Variants in ZFPM2 observed in about 807,000 individuals in gnomAD.
ZFPM2 encodes zinc finger protein, FOG family member 2, also known as zinc finger protein ZFPM2.
A neutral mutation model predicts 98.6 loss-of-function variants in ZFPM2; 20 were observed. The observed-to-expected ratio is 0.20, with a 90% CI of 0.14 to 0.29. The LOEUF (loss-of-function observed/expected upper bound fraction) is 0.29. Ranked by LOEUF, ZFPM2 falls within the 10% of genes least tolerant of loss-of-function variation. The pLI is 1.00. For synonymous variants in ZFPM2, 518 were observed against 502.7 expected, an observed-to-expected ratio of 1.03 and a Z score of -0.41; for missense variants, 1,310 against 1,388.6, an observed-to-expected ratio of 0.94 and a Z score of 0.90.
intron 1 of ZFPM2, among the ~76,000 whole-genome samples, chr8:105,389,769 G>A (rs1811072628): frequency 6.6e-6 from 1 of 152,144 alleles, no homozygotes; most frequent in Non-Finnish European, 1.5e-5. Flanking sequence ...AAGGTAAGAC[G>A]TGATCATAGC....
At chr8:105,729,565 G>C (rs1256718714) in intron 5 of ZFPM2, among the ~76,000 whole-genome samples, 1 of 151,626 alleles carries the variant, frequency 6.6e-6, no homozygotes, top group Non-Finnish European at 1.5e-5. Flanking sequence ...ATAATTGTCT[G>C]TACTTTAACA....
chr8:105,642,774 G>A (rs1816972214), intron 5 of ZFPM2, among the ~76,000 whole-genome samples: 1 of 152,172 alleles, frequency 6.6e-6, no homozygotes, highest in African/African-American at 2.4e-5. Context: ...GTATAGTAAT[G>A]AATTCAGTCT....
intron 1 of ZFPM2, among the ~76,000 whole-genome samples, chr8:105,351,172 CAAAA>C (rs201784746): frequency 1.0e-5 from 1 of 95,596 alleles, no homozygotes. Context: ...GACTCTGTCT[CAAAA>C]AAAAAAAAAA....
At chr8:105,324,144 A>T (rs890489541) in intron 1 of ZFPM2, among the ~76,000 whole-genome samples, 1 of 151,862 alleles carries the variant, frequency 6.6e-6, no homozygotes. Flanking sequence ...CCTGATTTTT[A>T]TGTTCAGCCA....
intron 3 of ZFPM2, among the ~76,000 whole-genome samples, chr8:105,486,781 AAT>A (rs1371324253): frequency 6.6e-6 from 1 of 152,196 alleles, no homozygotes; most frequent in Non-Finnish European, 1.5e-5. Context: ...TGCAATGAAA[AAT>A]ATGTTTGTCA....
intron 5 of ZFPM2, among the ~76,000 whole-genome samples, chr8:105,756,412 C>G (rs973752459): frequency 6.6e-6 from 1 of 152,128 alleles, no homozygotes; most frequent in African/African-American, 2.4e-5. Context: ...CTTTAATGCT[C>G]CTGTTCCACA....
At chr8:105,368,748 A>G (rs1810558386) in intron 1 of ZFPM2, among the ~76,000 whole-genome samples, 1 of 152,156 alleles carries the variant, frequency 6.6e-6, no homozygotes, top group African/African-American at 2.4e-5. Flanking sequence ...CCCAGTATCC[A>G]TAAATTTCAA....
intron 5 of ZFPM2, among the ~76,000 whole-genome samples, chr8:105,669,673 G>A (rs1289531629): frequency 6.6e-6 from 1 of 151,790 alleles, no homozygotes. Flanking sequence ...GGTCAGTAAC[G>A]ATAATCCTCT....
intron 3 of ZFPM2, among the ~76,000 whole-genome samples, chr8:105,472,663 C>T (rs555749324): frequency 3.9e-4 from 60 of 151,990 alleles, no homozygotes; most frequent in Admixed American, 1.7e-3. Context: ...CCATCGCACC[C>T]GGCTAATTTT....
intron 3 of ZFPM2, among the ~76,000 whole-genome samples, chr8:105,546,233 A>G (rs1196776750): frequency 1.3e-5 from 2 of 152,148 alleles, no homozygotes; most frequent in African/African-American, 4.8e-5. Context: ...GAACGAGACT[A>G]GTTTTTATCC....
intron 5 of ZFPM2, among the ~76,000 whole-genome samples, chr8:105,682,645 A>G (rs1373714239): frequency 6.6e-6 from 1 of 152,114 alleles, no homozygotes; most frequent in Non-Finnish European, 1.5e-5. Flanking sequence ...TAAGTTAGAA[A>G]ATTACTACAA....
chr8:105,330,585 TA>T (rs1812203343), intron 1 of ZFPM2, among the ~76,000 whole-genome samples: 1 of 52,410 alleles, frequency 1.9e-5, no homozygotes, highest in African/African-American at 9.3e-5. Flanking sequence ...TATATACATA[TA>T]TATATATACA....
chr8:105,705,151 GAT>G (rs10538317), intron 5 of ZFPM2, among the ~76,000 whole-genome samples: 47,546 of 148,894 alleles, frequency 0.32, 7,900 homozygotes, highest in East Asian at 0.62. Flanking sequence ...TTTCTGAATT[GAT>G]ATATATATAT....
intron 3 of ZFPM2, among the ~76,000 whole-genome samples, chr8:105,485,839 A>G (rs1813221018): frequency 6.6e-6 from 1 of 152,200 alleles, no homozygotes; most frequent in African/African-American, 2.4e-5. Context: ...CTGAAAAGGG[A>G]CTGTCAAAAT....
intron 5 of ZFPM2, among the ~76,000 whole-genome samples, chr8:105,677,204 G>A (rs1810491760): frequency 6.8e-6 from 1 of 146,324 alleles, no homozygotes; most frequent in Non-Finnish European, 1.5e-5. Context: ...CTCTTGTACT[G>A]TGAAATCATG....
At chr8:105,469,892 A>G (rs1311612619) in intron 3 of ZFPM2, among the ~76,000 whole-genome samples, 1 of 152,214 alleles carries the variant, frequency 6.6e-6, no homozygotes, top group African/African-American at 2.4e-5. Context: ...TATAAAGGGC[A>G]TAACAAAGTG....
rs140513274 is a variant in ZFPM2, at chr8:105,396,616, T to G, written c.41-22528T>G. Among the ~76,000 whole-genome samples the G allele has an allele frequency of 2.5e-3, 387 of 152,330 alleles. 1 individual carries two copies. The highest frequency in any genetic ancestry group is 8.9e-3 in the African/African-American group (369 of 41,580). On this transcript the variant is annotated intron_variant, in intron 1 of 7. Coordinates refer to ENST00000407775, the MANE Select transcript of ZFPM2 (RefSeq NM_012082.4). Reference sequence around the variant, plus strand: ...GTTCAGACATCAGGAAAAGAGGTTCTTAATCTGCTGATTTGGTTAGAGCAT... The same window carrying G: ...GTTCAGACATCAGGAAAAGAGGTTCGTAATCTGCTGATTTGGTTAGAGCAT...
chr8:105,687,527 A>C (rs1202651422), intron 5 of ZFPM2, among the ~76,000 whole-genome samples: 1 of 152,182 alleles, frequency 6.6e-6, no homozygotes, highest in Non-Finnish European at 1.5e-5. Context: ...AGAAGATGTA[A>C]ACTGTATAAA....
chr8:105,626,554 G>C (rs1360209793), intron 4 of ZFPM2, among the ~76,000 whole-genome samples: 1 of 152,000 alleles, frequency 6.6e-6, no homozygotes, highest in Non-Finnish European at 1.5e-5. Context: ...GGAGTTGGGG[G>C]GTTGGCAGTG....
Sources: gnomAD v4.1 joint callset for allele counts (sites outside exome capture counted in the v4.1 genomes callset) on GRCh38, gnomAD v4.1.1 for gene constraint, MANE v1.5 for transcripts, NCBI Gene and HGNC (gene_info 2026-07-23, HGNC 2026-07-21) for gene names.